Variants in KCNT1 observed in about 807,000 individuals in gnomAD.
The protein encoded by KCNT1 is potassium channel subfamily T member 1.
A neutral mutation model predicts 147.8 loss-of-function variants in KCNT1; 78 were observed. The observed-to-expected ratio is 0.53, with a 90% confidence interval of 0.44 to 0.64. The LOEUF (loss-of-function observed/expected upper bound fraction) is 0.64. Ranked by LOEUF, KCNT1 falls within the 30% of genes least tolerant of loss-of-function variation. KCNT1 has a pLI of 0.00. For missense variants in KCNT1, 1,419 were observed against 1,750.3 expected, an observed-to-expected ratio of 0.81 and a Z score of 3.38; for synonymous variants, 867 against 748.8, an observed-to-expected ratio of 1.16 and a Z score of -2.58.
intron 2 of KCNT1, among the ~76,000 whole-genome samples, chr9:135,724,147 G>A (rs1237407976): frequency 6.6e-6 from 1 of 152,220 alleles, no homozygotes; most frequent in Non-Finnish European, 1.5e-5. Context: ...AGGCACAGGG[G>A]GAGGGCACCA....
intron 20 of KCNT1, among the ~76,000 whole-genome samples, chr9:135,775,939 T>G (rs1023355267): frequency 6.6e-6 from 1 of 151,778 alleles, no homozygotes; most frequent in African/African-American, 2.4e-5. Context: ...TTCCCTGGGG[T>G]CTCTTGACCT....
intron 9 of KCNT1, among the ~76,000 whole-genome samples, chr9:135,758,135 C>A (rs1002006271): frequency 2.2e-5 from 3 of 137,976 alleles, no homozygotes; most frequent in Non-Finnish European, 1.6e-5. Flanking sequence ...ACAGGTGTGG[C>A]CGTGGGCTGC....
chr9:135,778,336 T>C lies in KCNT1; in HGVS notation c.2523-88T>C. The stretch of plus-strand genomic sequence containing the variant: ...CTGGGGAACCCCTGCCTGGCCCAGC[T>C]CTGTGCATGGAGGGTAGGGCCCCAC... On this transcript the variant is annotated intron_variant, in intron 21 of 30. Transcript: ENST00000371757. 5.6e-6 allele frequency: 7 copies of C among 1,248,826 alleles called. No individual in the cohort carries two copies. In the Admixed American group the frequency reaches 1.2e-4, roughly 22 times the overall value. The allele number at this position is 1,248,826 out of a possible 1,614,324, so 77.4% of individuals were successfully genotyped here.
chr9:135,712,913 C>T (rs1392376659), intron 1 of KCNT1, among the ~76,000 whole-genome samples: 1 of 152,222 alleles, frequency 6.6e-6, no homozygotes, highest in Non-Finnish European at 1.5e-5. Flanking sequence ...TTGTCACCCT[C>T]CCCAGGCCAC....
chr9:135,734,549 G>A (rs778454254), intron 2 of KCNT1, among the ~76,000 whole-genome samples: 13 of 152,188 alleles, frequency 8.5e-5, no homozygotes, highest in Non-Finnish European at 1.6e-4. Flanking sequence ...GCTGCAGCCG[G>A]CTGTGGGCAC....
At chr9:135,734,503 G>C (rs1830252667) in intron 2 of KCNT1, among the ~76,000 whole-genome samples, 1 of 152,222 alleles carries the variant, frequency 6.6e-6, no homozygotes, top group Non-Finnish European at 1.5e-5. Flanking sequence ...AAGTTGCGAA[G>C]ATCCTCCTCC....
chr9:135,723,301 G>C (rs544484712), intron 2 of KCNT1, among the ~76,000 whole-genome samples: 5 of 152,340 alleles, frequency 3.3e-5, no homozygotes, highest in Admixed American at 1.3e-4. Context: ...AAGCGTTGGT[G>C]GGGTGTCAGG....
intron 25 of KCNT1, 129 bp from the exon 26 acceptor site, chr9:135,784,406 G>T (rs1481697423): frequency 2.8e-6 from 2 of 707,730 alleles, no homozygotes; most frequent in East Asian, 5.4e-5. Context: ...GTGTGTGTAT[G>T]CATGAGGGGT....
Position 135,765,772 on chromosome 9 carries a change from T to A in KCNT1, c.1337+12T>A, listed in dbSNP as rs750599241. 3.4e-5 allele frequency: 44 copies of A among 1,297,996 alleles called. 1 individual carries two copies. In the South Asian group the frequency reaches 5.2e-4, roughly 15 times the overall value. The allele number at this position is 1,297,996 out of a possible 1,614,324, so 80.4% of individuals were successfully genotyped here. A position where few individuals can be genotyped will look rare whatever the true frequency, so the allele number is the denominator to read the frequency against. On this transcript the variant is annotated intron_variant, in intron 13 of 30. Transcript: ENST00000371757. ...CTCATGCGAGCCAAGTGAGTGCTGG[T>A]GGGCGGAGGGGGTGGCATGGGGGCA... is the stretch of plus-strand genomic sequence containing the variant.
Position 135,786,491 on chromosome 9 carries a change from A to G in KCNT1, c.3472A>G (p.Lys1158Glu). 1 of 1,602,120 alleles carries G rather than the reference A, an allele frequency of 6.2e-7. No individual in the cohort carries two copies. The change falls in exon 29 of 31, where the codon AAG (lysine) becomes GAG (glutamate). Residue 1158 changes from lysine (K) to glutamate (E), a missense_variant. Lys to Glu is a moderately conservative substitution (Grantham distance 56). Transcript: ENST00000371757. ...CTCCGAGCTGGTGAAGAACCGCATG[A>G]AGCACCTGGGGCTGCCCACCACCGG... is the stretch of plus-strand genomic sequence containing the variant. ...ELSELVKNRM[K>E]HLGLPTTGYD...
intron 2 of KCNT1, among the ~76,000 whole-genome samples, chr9:135,747,901 G>A (rs767167587): frequency 2.0e-5 from 3 of 152,196 alleles, no homozygotes; most frequent in Admixed American, 6.5e-5. Context: ...AGAGCCACAC[G>A]CCTCTTCCTG....
At chr9:135,711,316 A>T (rs1412468430) in intron 1 of KCNT1, among the ~76,000 whole-genome samples, 1 of 152,130 alleles carries the variant, frequency 6.6e-6, no homozygotes, top group East Asian at 1.9e-4. Flanking sequence ...GGGAGTGAGA[A>T]GCAGGCACTC....
At chr9:135,766,663 G>A (rs10858169) in intron 13 of KCNT1, 34,784 of 152,864 alleles carry the variant, frequency 0.23, 4,069 homozygotes, top group Middle Eastern at 0.33. Context: ...GGGGTAGACT[G>A]TCCGGGGCCT....
chr9:135,738,588 C>G (rs934987822), intron 2 of KCNT1, among the ~76,000 whole-genome samples: 1 of 152,186 alleles, frequency 6.6e-6, no homozygotes, highest in Non-Finnish European at 1.5e-5. Flanking sequence ...GCTCCCTCAG[C>G]CCTCTCAGAC....
At chr9:135,778,377 C>A in intron 21 of KCNT1, 47 bp from the exon 22 acceptor site, 1 of 1,523,988 alleles carries the variant, frequency 6.6e-7, no homozygotes. Flanking sequence ...CTGAGGAGGG[C>A]AGGCCTTGAA....
At chr9:135,733,738 G>A (rs577056700) in intron 2 of KCNT1, among the ~76,000 whole-genome samples, 2 of 148,890 alleles carry the variant, frequency 1.3e-5, no homozygotes, top group Admixed American at 1.3e-4. Context: ...CCACTGCTGA[G>A]CCGGAGACCC....
rs896773208 is a variant in KCNT1, at chr9:135,730,625, C to A, written c.254+15905C>A. Among the ~76,000 whole-genome samples, 2 of 152,124 alleles carry A rather than the reference C, an allele frequency of 1.3e-5. No individual in the cohort carries two copies. The highest frequency in any genetic ancestry group is 2.4e-5 in the African/African-American group (1 of 41,404). On this transcript the variant is annotated intron_variant, in intron 2 of 30. Coordinates refer to ENST00000371757, the MANE Select transcript of KCNT1 (RefSeq NM_020822.3). The surrounding 1 kb of genome is among the most constrained non-coding windows in gnomAD (Gnocchi z 4.7). Reference sequence around the variant, plus strand: ...AGGAAATGGACCCCTCCCTGGGACTCCAGAAGGAGCCAGCCCTGCCGGCAC... The same window carrying A: ...AGGAAATGGACCCCTCCCTGGGACTACAGAAGGAGCCAGCCCTGCCGGCAC...
At chr9:135,706,581 C>T (rs923309154) in intron 1 of KCNT1, among the ~76,000 whole-genome samples, 2 of 152,230 alleles carry the variant, frequency 1.3e-5, no homozygotes, top group Non-Finnish European at 2.9e-5. Context: ...GAAAGGCACA[C>T]AGGCCTCCTC....
Position 135,758,055 on chromosome 9 carries a change from C to CT in KCNT1, c.760-358dup, listed in dbSNP as rs199995312. Among the ~76,000 whole-genome samples the CT allele has an allele frequency of 2.3e-3, 246 of 108,302 alleles. 1 individual carries two copies. The highest frequency in any genetic ancestry group is 7.7e-3 in the African/African-American group (239 of 30,886). 71.1% of individuals were successfully genotyped at this position (108,302 alleles called of 152,430 possible). ...AGGGGGTGCCCTACCCAGGTGCAGG[C>CT]TGCCCGTGGGCCTCAGCGGAGACGC... On this transcript the variant is annotated intron_variant, in intron 9 of 30. Transcript: ENST00000371757.
Sources: allele counts gnomAD v4.1 joint callset (sites outside exome capture counted in the v4.1 genomes callset), GRCh38; gene constraint gnomAD v4.1.1; non-coding constraint Gnocchi (gnomAD v3.1); transcripts MANE v1.5; gene names NCBI Gene and HGNC (gene_info 2026-07-23, HGNC 2026-07-21).